XYLT1: variants seen among roughly 807,000 people sequenced by gnomAD.
XYLT1 encodes beta-D-xylosyltransferase 1.
A neutral mutation model predicts 91.3 loss-of-function variants in XYLT1; 36 were observed. The observed-to-expected ratio is 0.39, with a 90% confidence interval of 0.30 to 0.52. The LOEUF (loss-of-function observed/expected upper bound fraction) is 0.52. Ranked by LOEUF, XYLT1 falls within the 20% of genes least tolerant of loss-of-function variation. The pLI is 0.68. For missense variants in XYLT1, 1,242 were observed against 1,284.5 expected (o/e 0.97, Z 0.51); for synonymous variants, 588 against 532.0 (o/e 1.11, Z -1.45).
chr16:17,433,639 C>G (rs952942779), intron 1 of XYLT1, among the ~76,000 whole-genome samples: 1 of 152,162 alleles, frequency 6.6e-6, no homozygotes, highest in African/African-American at 2.4e-5. Context: ...CATCTGGGTG[C>G]TGGGTAGTTG....
rs1966747042 is a variant in XYLT1, at chr16:17,104,356, C to T, written c.*4339G>A. On this transcript the variant is annotated 3_prime_UTR_variant, in exon 12 of 12. Coordinates refer to ENST00000261381, the MANE Select transcript of XYLT1 (RefSeq NM_022166.4). ...ATCTAAGGGGCAGCAGTCCAGATCT[C>T]CAGATTCTATTCCTTCTTCCCTTCA... The T allele has an allele frequency of 6.6e-6, 1 of 152,242 alleles. No homozygotes were observed. Among genetic ancestry groups the T allele is most frequent in the Non-Finnish European group, 1.5e-5 (1 of 68,078 alleles). The allele number at this position is 152,242 out of a possible 1,614,324, so 9.4% of individuals were successfully genotyped here. A position where few individuals can be genotyped will look rare whatever the true frequency, so the allele number is the denominator to read the frequency against.
intron 3 of XYLT1, among the ~76,000 whole-genome samples, chr16:17,218,222 C>T (rs1030415020): frequency 2.6e-4 from 39 of 151,980 alleles, no homozygotes; most frequent in Admixed American, 2.2e-3. Flanking sequence ...CACACCACTG[C>T]GCTCCAGCCT....
At chr16:17,119,017 C>G (rs915173441) in intron 10 of XYLT1, among the ~76,000 whole-genome samples, 6 of 152,182 alleles carry the variant, frequency 3.9e-5, no homozygotes, top group Admixed American at 3.9e-4. Flanking sequence ...GTGTCATTCC[C>G]TACTGCTTTA....
intron 3 of XYLT1, among the ~76,000 whole-genome samples, chr16:17,219,108 C>G (rs370094568): frequency 6.6e-6 from 1 of 151,734 alleles, no homozygotes; most frequent in Non-Finnish European, 1.5e-5. Flanking sequence ...ATGGTAAAAC[C>G]CTGTATCTAC....
At chr16:17,119,631 T>C (rs1039616670) in intron 10 of XYLT1, among the ~76,000 whole-genome samples, 4 of 152,208 alleles carry the variant, frequency 2.6e-5, no homozygotes, top group African/African-American at 9.6e-5. Flanking sequence ...GGGATTACAG[T>C]GTGCCAGGCA....
At chr16:17,468,128 C>G (rs937415962) in intron 1 of XYLT1, among the ~76,000 whole-genome samples, 1 of 152,130 alleles carries the variant, frequency 6.6e-6, no homozygotes, top group Non-Finnish European at 1.5e-5. Context: ...CAGCCTGCCC[C>G]CTTCTGGTCT....
chr16:17,274,640 C>CT (rs1567352138), intron 2 of XYLT1, among the ~76,000 whole-genome samples: 1 of 152,014 alleles, frequency 6.6e-6, no homozygotes, highest in Non-Finnish European at 1.5e-5. Flanking sequence ...CTCACATGGT[C>CT]TGGGGTCCAA....
chr16:17,407,485 G>T (rs2036049612), intron 1 of XYLT1, among the ~76,000 whole-genome samples: 2 of 152,156 alleles, frequency 1.3e-5, no homozygotes, highest in Non-Finnish European at 2.9e-5. Flanking sequence ...TATAGAGATG[G>T]GGTCTTGCTA....
chr16:17,352,182 AT>A lies in XYLT1; in HGVS notation c.402+5829del, dbSNP rs1395412127. Reference sequence around the variant, plus strand: ...GTCAGATGTCTCCTTGGCGGTCAAAATTGACCTAGTTGAGAACTACTGGTTT... The same window carrying A: ...GTCAGATGTCTCCTTGGCGGTCAAAATGACCTAGTTGAGAACTACTGGTTT... On this transcript the variant is annotated intron_variant, in intron 2 of 11. Transcript: ENST00000261381. Among the ~76,000 whole-genome samples the A allele has an allele frequency of 9.2e-5, 14 of 152,300 alleles. 1 individual carries two copies. The East Asian group carries it at 2.5e-3, about 27-fold the overall frequency.
rs554053425 is a variant in XYLT1, at chr16:17,258,453, A to G, written c.913+535T>C. Among the ~76,000 whole-genome samples the G allele has an allele frequency of 1.1e-4, 16 of 152,002 alleles. No individual in the cohort carries two copies. In the East Asian group the frequency reaches 2.9e-3, roughly 28 times the overall value. Reference sequence around the variant, plus strand: ...TGAGGAAGGAAGGGAGGAAAAAGGGAGAAAGAAAATAAAGGAATGAGAAGG... The same window carrying G: ...TGAGGAAGGAAGGGAGGAAAAAGGGGGAAAGAAAATAAAGGAATGAGAAGG... On this transcript the variant is annotated intron_variant, in intron 3 of 11. Transcript: ENST00000261381.
chr16:17,261,259 A>T (rs2141760632), intron 2 of XYLT1, among the ~76,000 whole-genome samples: 1 of 151,972 alleles, frequency 6.6e-6, no homozygotes, highest in Middle Eastern at 3.4e-3. Context: ...AAAAAAAAAA[A>T]AAAAGATGCT....
intron 1 of XYLT1, among the ~76,000 whole-genome samples, chr16:17,400,032 G>A (rs2035944358): frequency 6.6e-6 from 1 of 152,202 alleles, no homozygotes; most frequent in Non-Finnish European, 1.5e-5. Flanking sequence ...CAGCCATCAG[G>A]CTAACTGGCC....
chr16:17,273,820 G>A (rs1296880884), intron 2 of XYLT1, among the ~76,000 whole-genome samples: 9 of 147,198 alleles, frequency 6.1e-5, no homozygotes, highest in Non-Finnish European at 1.3e-4. Flanking sequence ...CTCCAGCCTA[G>A]GCGTCACAGT....
At chr16:17,429,047 A>T (rs1396899986) in intron 1 of XYLT1, among the ~76,000 whole-genome samples, 1 of 152,206 alleles carries the variant, frequency 6.6e-6, no homozygotes, top group Non-Finnish European at 1.5e-5. Context: ...AGGGGATGGG[A>T]GCCCAATTTC....
intron 2 of XYLT1, among the ~76,000 whole-genome samples, chr16:17,313,503 G>A (rs2034582065): frequency 6.6e-6 from 1 of 152,176 alleles, no homozygotes. Flanking sequence ...AGAAATATGT[G>A]GAGATGATCT....
At chr16:17,454,530 T>C (rs1261109235) in intron 1 of XYLT1, among the ~76,000 whole-genome samples, 1 of 148,840 alleles carries the variant, frequency 6.7e-6, no homozygotes, top group Non-Finnish European at 1.5e-5. Flanking sequence ...GCTTTATTTA[T>C]GATCGCAATT....
intron 2 of XYLT1, among the ~76,000 whole-genome samples, chr16:17,309,388 C>T (rs764428636): frequency 6.6e-6 from 1 of 152,194 alleles, no homozygotes; most frequent in South Asian, 2.1e-4. Context: ...GGTCCTCACT[C>T]AGCAAATACT....
chr16:17,257,961 T>C lies in XYLT1; in HGVS notation c.913+1027A>G, dbSNP rs566728225. On this transcript the variant is annotated intron_variant, in intron 3 of 11. Transcript: ENST00000261381. Reference sequence around the variant, plus strand: ...CAAGAAATACACATCAATGGCACGATTGCACATGCGCTAGTGAAACTGGAC... The same window carrying C: ...CAAGAAATACACATCAATGGCACGACTGCACATGCGCTAGTGAAACTGGAC... Among the ~76,000 whole-genome samples, 3 of 152,302 alleles carry C rather than the reference T, an allele frequency of 2.0e-5. No homozygotes were observed. In the South Asian group the frequency reaches 6.2e-4, roughly 32 times the overall value.
chr16:17,156,136 C>G (rs2031401832), intron 6 of XYLT1, among the ~76,000 whole-genome samples: 1 of 152,160 alleles, frequency 6.6e-6, no homozygotes, highest in South Asian at 2.1e-4. Flanking sequence ...GAGGTTAAGT[C>G]ACTCGTCCAA....
Sources: gnomAD v4.1 joint callset for allele counts (sites outside exome capture counted in the v4.1 genomes callset) on GRCh38, gnomAD v4.1.1 for gene constraint, MANE v1.5 for transcripts, NCBI Gene and HGNC (gene_info 2026-07-23, HGNC 2026-07-21) for gene names.